ATXN1: variants seen among roughly 807,000 people sequenced by gnomAD.
The protein encoded by ATXN1 is ataxin-1.
A neutral mutation model predicts 56.4 loss-of-function variants in ATXN1; 8 were observed. That is an observed-to-expected ratio of 0.14 (90% CI 0.08 to 0.26). ATXN1 has a LOEUF of 0.26. Among genes scored for constraint, ATXN1 ranks in the 10% least tolerant of loss-of-function variants. The pLI is 1.00. For missense variants in ATXN1, 987 were observed against 1,106.5 expected (o/e 0.89, Z 1.53); for synonymous variants, 514 against 494.6 (o/e 1.04, Z -0.52).
In ATXN1 at chr6:16,299,956, C is replaced by T. The variant is rs761320134; in HGVS notation, c.*6373G>A. The T allele has an allele frequency of 6.5e-6, 1 of 152,686 alleles. No homozygotes were observed. Among genetic ancestry groups the T allele is most frequent in the Non-Finnish European group, 1.5e-5 (1 of 68,050 alleles). The allele number at this position is 152,686 out of a possible 1,614,324, so 9.5% of individuals were successfully genotyped here. A position where few individuals can be genotyped will look rare whatever the true frequency, so the allele number is the denominator to read the frequency against. On this transcript the variant is annotated 3_prime_UTR_variant, in exon 8 of 8. Coordinates refer to ENST00000436367, the MANE Select transcript of ATXN1 (RefSeq NM_001128164.2). ...AAAGAGTAGGTGGTTCCTGTAAGAA[C>T]CAGAGAAAACCTGTGCACCGAGCTT...
At chr6:16,420,259 G>A (rs1195720853) in intron 6 of ATXN1, among the ~76,000 whole-genome samples, 5 of 152,288 alleles carry the variant, frequency 3.3e-5, no homozygotes, top group African/African-American at 9.6e-5. Context: ...GAGAGATGGT[G>A]GGATGACTTT....
chr6:16,340,654 GCTCT>G (rs1480721427), intron 6 of ATXN1, among the ~76,000 whole-genome samples: 1 of 152,230 alleles, frequency 6.6e-6, no homozygotes, highest in Non-Finnish European at 1.5e-5. Flanking sequence ...TGCAGGCACT[GCTCT>G]CTCTAACGTT....
chr6:16,474,936 T>A (rs950380621), intron 6 of ATXN1, among the ~76,000 whole-genome samples: 2 of 152,196 alleles, frequency 1.3e-5, no homozygotes, highest in African/African-American at 4.8e-5. Context: ...TCAGGCTTTC[T>A]TCTATCCTAA....
Position 16,605,912 on chromosome 6 carries a change from G to A in ATXN1, c.-488-20005C>T, listed in dbSNP as rs148057704. Among the ~76,000 whole-genome samples the A allele has an allele frequency of 8.6e-3, 1,312 of 152,240 alleles. 15 individuals are homozygous for A. Among genetic ancestry groups the A allele is most frequent in the African/African-American group, 0.029 (1,203 of 41,526 alleles). On this transcript the variant is annotated intron_variant, in intron 3 of 7. Transcript: ENST00000436367. ...GGAGGCTGAGATGGGAGGATCACTT[G>A]AGCCCAGGAGTTCAAGACCAGCCTG...
At chr6:16,529,955 A>G (rs1761470718) in intron 4 of ATXN1, among the ~76,000 whole-genome samples, 1 of 152,226 alleles carries the variant, frequency 6.6e-6, no homozygotes, top group Non-Finnish European at 1.5e-5. Context: ...AGAATCATAA[A>G]TAAAAGGCAT....
In ATXN1 at chr6:16,367,277, A is replaced by C. The variant is rs543052310; in HGVS notation, c.-160-38807T>G. 1.3e-4 allele frequency among the ~76,000 whole-genome samples: 20 copies of C among 152,264 alleles called. No homozygotes were observed. In the East Asian group the frequency reaches 3.9e-3, roughly 29 times the overall value. On this transcript the variant is annotated intron_variant, in intron 6 of 7. Coordinates refer to ENST00000436367, the MANE Select transcript of ATXN1 (RefSeq NM_001128164.2). Reference sequence around the variant, plus strand: ...GGGCAGAGATGGGAAAGGGGCAGTTATAAATTGCTAAGTTATTGTGTTTAT... The same window carrying C: ...GGGCAGAGATGGGAAAGGGGCAGTTCTAAATTGCTAAGTTATTGTGTTTAT...
chr6:16,689,705 AT>A (rs1759003968), intron 2 of ATXN1, among the ~76,000 whole-genome samples: 1 of 152,086 alleles, frequency 6.6e-6, no homozygotes, highest in African/African-American at 2.4e-5. Context: ...TAAAATGATT[AT>A]ATTAAGCTGA....
intron 4 of ATXN1, among the ~76,000 whole-genome samples, chr6:16,558,620 C>G (rs1420239740): frequency 6.6e-6 from 1 of 152,146 alleles, no homozygotes; most frequent in African/African-American, 2.4e-5. Context: ...ATGCTCTCGC[C>G]TTGGCCTCCC....
chr6:16,615,557 C>A (rs1763192404), intron 3 of ATXN1: 1 of 147,264 alleles, frequency 6.8e-6, no homozygotes, highest in South Asian at 2.3e-4. Context: ...CTGAAAATCA[C>A]AGCATCACCA....
chr6:16,591,257 G>A (rs926076977), intron 3 of ATXN1, among the ~76,000 whole-genome samples: 2 of 152,126 alleles, frequency 1.3e-5, no homozygotes, highest in Non-Finnish European at 2.9e-5. Context: ...GTGCCCAGCT[G>A]TAACCTATTC....
chr6:16,616,523 G>A (rs1041170109), intron 3 of ATXN1, among the ~76,000 whole-genome samples: 3 of 146,082 alleles, frequency 2.1e-5, no homozygotes, highest in Admixed American at 1.4e-4. Context: ...CTGGGTGACA[G>A]AAGGAGACTG....
intron 2 of ATXN1, among the ~76,000 whole-genome samples, chr6:16,740,669 T>C (rs1760308359): frequency 6.6e-6 from 1 of 152,190 alleles, no homozygotes. Context: ...TCCGGCACTA[T>C]AAAAACATCT....
At chr6:16,675,606 T>C (rs1758644915) in intron 2 of ATXN1, among the ~76,000 whole-genome samples, 1 of 151,926 alleles carries the variant, frequency 6.6e-6, no homozygotes, top group South Asian at 2.1e-4. Context: ...GGAGGCCAGG[T>C]GCGGTGGCTC....
At chr6:16,543,654 G>GAGAGA (rs1761759004) in intron 4 of ATXN1, among the ~76,000 whole-genome samples, 1 of 66,054 alleles carries the variant, frequency 1.5e-5, no homozygotes, top group Non-Finnish European at 2.7e-5. Context: ...AAAAAAAAAA[G>GAGAGA]AGAGAGAGAG....
rs185781958 is a variant in ATXN1, at chr6:16,470,514, T to C, written c.-161+15458A>G. Among the ~76,000 whole-genome samples, 90 of 152,342 alleles carry C rather than the reference T, an allele frequency of 5.9e-4. 2 individuals carry two copies. Among genetic ancestry groups the C allele is most frequent in the Admixed American group, 5.7e-3 (87 of 15,300 alleles). On this transcript the variant is annotated intron_variant, in intron 6 of 7. Coordinates refer to ENST00000436367, the MANE Select transcript of ATXN1 (RefSeq NM_001128164.2). ...AATAAAAAAAACTGGAAAATTATGT[T>C]GGTGAACTATACCATAGCTTTGAAA...
At chr6:16,391,118 C>T (rs1435145534) in intron 6 of ATXN1, among the ~76,000 whole-genome samples, 1 of 137,632 alleles carries the variant, frequency 7.3e-6, no homozygotes, top group Non-Finnish European at 1.5e-5. Flanking sequence ...GCCGAGATTG[C>T]GTCACTGCAC....
Position 16,703,032 on chromosome 6 carries a change from G to A in ATXN1, c.-614-45131C>T, listed in dbSNP as rs903693200. Among the ~76,000 whole-genome samples the A allele has an allele frequency of 1.5e-4, 23 of 152,074 alleles. No individual in the cohort carries two copies. The East Asian group carries it at 2.3e-3, about 15-fold the overall frequency. On this transcript the variant is annotated intron_variant, in intron 2 of 7. Coordinates refer to ENST00000436367, the MANE Select transcript of ATXN1 (RefSeq NM_001128164.2). ...TGCTGCTATAAAGACACATGCACACGTATGTTTATTGCGGCACTATTCACA... is the reference window on the plus strand; with the variant it reads ...TGCTGCTATAAAGACACATGCACACATATGTTTATTGCGGCACTATTCACA...
intron 6 of ATXN1, among the ~76,000 whole-genome samples, chr6:16,378,203 C>A (rs982415369): frequency 1.3e-5 from 2 of 152,192 alleles, no homozygotes. Flanking sequence ...TAACTCCTAC[C>A]CAGCAACTCA....
chr6:16,319,163 A>G (rs1760587424), intron 7 of ATXN1, among the ~76,000 whole-genome samples: 1 of 151,868 alleles, frequency 6.6e-6, no homozygotes, highest in South Asian at 2.1e-4. Context: ...AGCTGCAGTG[A>G]GCTATTATGG....
Sources: allele counts gnomAD v4.1 joint callset (sites outside exome capture counted in the v4.1 genomes callset), GRCh38; gene constraint gnomAD v4.1.1; transcripts MANE v1.5; gene names NCBI Gene and HGNC (gene_info 2026-07-23, HGNC 2026-07-21).